ZNF157: variants seen among roughly 807,000 people sequenced by gnomAD.
ZNF157 encodes zinc finger protein 22.
A neutral mutation model predicts 9.4 loss-of-function variants in ZNF157; 8 were observed. The ratio of observed to expected loss-of-function variants is 0.85; its 90% CI spans 0.50 to 1.53. The LOEUF (loss-of-function observed/expected upper bound fraction) is 1.53. ZNF157 is among the 40% of genes most tolerant of loss of function. The pLI, the probability that ZNF157 is intolerant of heterozygous loss-of-function variation, is 0.00. For missense variants in ZNF157, 316 were observed against 385.2 expected, an observed-to-expected ratio of 0.82 and a Z score of 1.50; for synonymous variants, 120 against 130.8, an observed-to-expected ratio of 0.92 and a Z score of 0.56.
Position 47,413,716 on chromosome X carries a change from T to TCAGG in ZNF157, c.*122_*123insCAGG. 9.7e-7 allele frequency: 1 copy of TCAGG among 1,035,636 alleles called. No homozygotes were observed. Among genetic ancestry groups the TCAGG allele is most frequent in the Non-Finnish European group, 1.3e-6 (1 of 788,300 alleles). The allele number at this position is 1,035,636 out of a possible 1,213,427, so 85.3% of individuals were successfully genotyped here. On this transcript the variant is annotated 3_prime_UTR_variant, in exon 4 of 4. Transcript: ENST00000377073. ...AGTATGTCCTGATCCCCTTAGGGGA[T>TCAGG]AGCTCATTGTTTTTATTCAGATTTC...
Position 47,410,318 on chromosome X carries a change from C to A in ZNF157, c.115C>A (p.Gln39Lys), listed in dbSNP as rs1277198732. ...FEDVAVDFTRQEWHRLDPAQR... is the reference protein window; with the variant it reads ...FEDVAVDFTRKEWHRLDPAQR... ...GGATGTGGCTGTGGATTTCACCCGA[C>A]AGGAGTGGCACAGACTGGACCCTGC... The change falls in exon 2 of 4, where the codon CAG becomes AAG. Residue 39 changes from glutamine to lysine, a missense_variant. By Grantham distance (53) the Gln-to-Lys change is moderately conservative. Coordinates refer to ENST00000377073, the MANE Select transcript of ZNF157 (RefSeq NM_003446.4). 8.3e-7 allele frequency: 1 copy of A among 1,209,218 alleles called. No individual in the cohort carries two copies. Among genetic ancestry groups the A allele is most frequent in the African/African-American group, 1.8e-5 (1 of 56,939 alleles).
rs184389638 is a variant in ZNF157 at position 47,383,097 on chromosome X, G to A, written c.72+12357G>A. 1.4e-3 allele frequency among the ~76,000 whole-genome samples: 151 copies of A among 109,403 alleles called. 1 individual carries two copies. Among genetic ancestry groups the A allele is most frequent in the Middle Eastern group, 4.8e-3 (1 of 210 alleles). ...CTATTAAGAAATGGGATGGCCGGGC[G>A]CAGTGGCTTATGCCTGTAATCCCAG... On this transcript the variant is annotated intron_variant, in intron 1 of 3. Coordinates refer to ENST00000377073, the MANE Select transcript of ZNF157 (RefSeq NM_003446.4).
intron 1 of ZNF157, among the ~76,000 whole-genome samples, chrX:47,393,967 CTTT>C (rs748734330): frequency 1.0e-5 from 1 of 98,296 alleles, no homozygotes; most frequent in Admixed American, 1.1e-4. Flanking sequence ...GTCTCGAACT[CTTT>C]TTTTTTTTTT....
intron 1 of ZNF157, among the ~76,000 whole-genome samples, chrX:47,395,158 C>T (rs1273608198): frequency 9.0e-6 from 1 of 111,098 alleles, no homozygotes; most frequent in African/African-American, 3.3e-5. Flanking sequence ...CTCAGGAGAT[C>T]CTCCTGCCTC....
chrX:47,372,229 G>T (rs2055830981), intron 1 of ZNF157, among the ~76,000 whole-genome samples: 1 of 110,494 alleles, frequency 9.1e-6, no homozygotes. Flanking sequence ...TAGGTTTAGA[G>T]GGTTGGGACC....
chrX:47,398,195 A>T (rs183889653), intron 1 of ZNF157, among the ~76,000 whole-genome samples: 13 of 110,537 alleles, frequency 1.2e-4, no homozygotes, highest in Middle Eastern at 4.7e-3. Flanking sequence ...TATGGGAGAA[A>T]TCACACCATA....
At chrX:47,399,511 A>G (rs1313107941) in intron 1 of ZNF157, among the ~76,000 whole-genome samples, 1 of 112,091 alleles carries the variant, frequency 8.9e-6, no homozygotes, top group Non-Finnish European at 1.9e-5. Context: ...TAGTCATATT[A>G]GCATCCTCCC....
In ZNF157 at chrX:47,413,521, C is replaced by A; in HGVS notation, c.1448C>A (p.Ala483Glu). 2 of 1,211,796 alleles carry A rather than the reference C, an allele frequency of 1.7e-6. No homozygotes were observed. Among genetic ancestry groups the A allele is most frequent in the South Asian group, 3.5e-5 (2 of 56,955 alleles). Residue 483 changes from alanine (A) to glutamate (E), a missense_variant, in exon 4 of 4, where the codon GCA becomes GAA. Coordinates refer to ENST00000377073, the MANE Select transcript of ZNF157 (RefSeq NM_003446.4). ...QECGKAFCRKAHLTEHQRTHI... is the reference protein window; with the variant it reads ...QECGKAFCRKEHLTEHQRTHI... ...TGTGGGAAAGCTTTCTGCCGGAAAG[C>A]ACACCTCACAGAACATCAGAGAACT... is the stretch of plus-strand genomic sequence containing the variant.
At chrX:47,380,350 A>G in intron 1 of ZNF157, among the ~76,000 whole-genome samples, 1 of 110,903 alleles carries the variant, frequency 9.0e-6, no homozygotes, top group South Asian at 3.8e-4. Flanking sequence ...GACTTCAGAG[A>G]TCAAATGTGC....
At chrX:47,410,904 T>C (rs1028449192) in intron 3 of ZNF157, 129 bp downstream of exon 3, 28 of 526,043 alleles carry the variant, frequency 5.3e-5, no homozygotes, top group Non-Finnish European at 8.4e-5. Context: ...TCTTTGAAAA[T>C]AAGGACGGAA....
At chrX:47,381,040 GAGAAAGAGAAGGAGGAAGAGC>G (rs2055861213) in intron 1 of ZNF157, among the ~76,000 whole-genome samples, 1 of 102,580 alleles carries the variant, frequency 9.7e-6, no homozygotes, top group Non-Finnish European at 2.0e-5. Context: ...GCAGGAGGAG[GAGAAAGAGAAGGAGGAAGAGC>G]AGGAGGAGGA....
chrX:47,378,561 C>T (rs2055851790), intron 1 of ZNF157, among the ~76,000 whole-genome samples: 1 of 112,085 alleles, frequency 8.9e-6, no homozygotes, highest in Non-Finnish European at 1.9e-5. Context: ...GTTCCTCTCA[C>T]GCTGGGCGCG....
rs138782206 is a variant in ZNF157 at position 47,384,648 on chromosome X, C to A, written c.72+13908C>A. Among the ~76,000 whole-genome samples the A allele has an allele frequency of 5.9e-3, 659 of 112,525 alleles. 1 individual carries two copies. The highest frequency in any genetic ancestry group is 0.01 in the Non-Finnish European group (556 of 53,340). ...CCTGGGGTGCCGCACAGACAGATTACCTGTACAATAGCCCTTTGTGGAGCA... is the reference window on the plus strand; with the variant it reads ...CCTGGGGTGCCGCACAGACAGATTAACTGTACAATAGCCCTTTGTGGAGCA... On this transcript the variant is annotated intron_variant, in intron 1 of 3. Coordinates refer to ENST00000377073, the MANE Select transcript of ZNF157 (RefSeq NM_003446.4).
rs928323849 is a variant in ZNF157 at position 47,406,277 on chromosome X, G to A, written c.73-3999G>A. On this transcript the variant is annotated intron_variant, in intron 1 of 3. Coordinates refer to ENST00000377073, the MANE Select transcript of ZNF157 (RefSeq NM_003446.4). ...ATTAAGCCCATTCGTATTTATTCGC[G>A]TTACTGTTAAGCTTGGTCTCAATTC... is the stretch of plus-strand genomic sequence containing the variant. Among the ~76,000 whole-genome samples, 24 of 109,438 alleles carry A rather than the reference G, an allele frequency of 2.2e-4. No homozygotes were observed. The East Asian group carries it at 3.7e-3, about 17-fold the overall frequency.
intron 2 of ZNF157, 81 bp from the exon 3 acceptor site, chrX:47,410,599 G>A (rs1299537640): frequency 1.0e-6 from 1 of 986,545 alleles, no homozygotes; most frequent in Admixed American, 2.7e-5. Flanking sequence ...TGCAGCTCAT[G>A]AAGATGCACC....
intron 1 of ZNF157, among the ~76,000 whole-genome samples, chrX:47,388,406 T>C (rs1227254643): frequency 9.1e-6 from 1 of 109,798 alleles, no homozygotes; most frequent in African/African-American, 3.3e-5. Flanking sequence ...GTTTTTTTTT[T>C]TTGAGTCAGA....
intron 1 of ZNF157, chrX:47,390,947 G>A (rs2055895578): frequency 8.9e-6 from 1 of 111,761 alleles, no homozygotes. Flanking sequence ...AATTGTTCTT[G>A]TTTCTTTTGA....
rs191609135 is a variant in ZNF157, at chrX:47,378,262, C to G, written c.72+7522C>G. Among the ~76,000 whole-genome samples the G allele has an allele frequency of 6.3e-5, 7 of 110,841 alleles. No individual in the cohort carries two copies. In the East Asian group the frequency reaches 2.0e-3, roughly 31 times the overall value. On this transcript the variant is annotated intron_variant, in intron 1 of 3. Coordinates refer to ENST00000377073, the MANE Select transcript of ZNF157 (RefSeq NM_003446.4). ...CTGGGTGGGGGCCACAAGACCAGAT[C>G]GAGCCAGTTTACGGATCTGGGTGGT...
At chrX:47,399,049 G>A (rs1051718704) in intron 1 of ZNF157, among the ~76,000 whole-genome samples, 12 of 111,964 alleles carry the variant, frequency 1.1e-4, no homozygotes, top group African/African-American at 3.6e-4. Context: ...TAATCCGCCC[G>A]CCTTGGCCTC....
Sources: allele counts gnomAD v4.1 joint callset (sites outside exome capture counted in the v4.1 genomes callset), GRCh38; gene constraint gnomAD v4.1.1; transcripts MANE v1.5; gene names NCBI Gene and HGNC (gene_info 2026-07-23, HGNC 2026-07-21).